MBP: variants seen among roughly 807,000 people sequenced by gnomAD.
MBP encodes the protein myelin basic protein, also known as Golli-MBP.
In MBP, 16 loss-of-function variants were observed where a neutral mutation model predicts 35.8. The observed-to-expected ratio is 0.45, with a 90% CI of 0.30 to 0.68. MBP has a LOEUF of 0.68. Ranked by LOEUF, MBP falls within the 30% of genes least tolerant of loss-of-function variation. MBP has a pLI of 0.08. For synonymous variants in MBP, 143 were observed against 159.6 expected (o/e 0.90, Z 0.78); for missense variants, 380 against 404.7 (o/e 0.94, Z 0.52).
At chr18:77,064,216 G>C (rs1255521746) in intron 3 of MBP, among the ~76,000 whole-genome samples, 1 of 152,100 alleles carries the variant, frequency 6.6e-6, no homozygotes, top group African/African-American at 2.4e-5. Context: ...AACCATCAAG[G>C]CTGGGACATC....
chr18:77,066,912 G>T (rs1310437581), intron 2 of MBP, among the ~76,000 whole-genome samples: 2 of 152,212 alleles, frequency 1.3e-5, no homozygotes, highest in Non-Finnish European at 2.9e-5. Context: ...TTATGGGGTG[G>T]GCCAGGCCCC....
chr18:77,068,385 G>A (rs900173646), intron 2 of MBP, among the ~76,000 whole-genome samples: 1 of 150,928 alleles, frequency 6.6e-6, no homozygotes, highest in Non-Finnish European at 1.5e-5. Context: ...AAGCAGGCCA[G>A]GTTTAGCCCA....
intron 3 of MBP, among the ~76,000 whole-genome samples, chr18:77,059,751 G>A (rs1281431156): frequency 1.3e-5 from 2 of 152,152 alleles, no homozygotes; most frequent in Non-Finnish European, 2.9e-5. Context: ...AAAAATAGGG[G>A]CCAGCACAGA....
chr18:76,991,159 T>C (rs1015253033), intron 4 of MBP, among the ~76,000 whole-genome samples: 1 of 152,118 alleles, frequency 6.6e-6, no homozygotes, highest in African/African-American at 2.4e-5. Flanking sequence ...AAAGTAAGTG[T>C]CTCACGCCAC....
At chr18:77,073,009 C>T (rs1974513644) in intron 2 of MBP, among the ~76,000 whole-genome samples, 1 of 152,176 alleles carries the variant, frequency 6.6e-6, no homozygotes, top group Non-Finnish European at 1.5e-5. Flanking sequence ...GTCTTAGATT[C>T]CTCTCCAATT....
intron 3 of MBP, among the ~76,000 whole-genome samples, chr18:77,038,375 T>C (rs906332092): frequency 5.3e-5 from 8 of 152,246 alleles, no homozygotes; most frequent in Admixed American, 5.2e-4. Context: ...CACTTTCATA[T>C]TTGGTCCTCT....
At chr18:77,015,248 C>A (rs1404605611) in intron 4 of MBP, 2 of 982,488 alleles carry the variant, frequency 2.0e-6, no homozygotes, top group African/African-American at 3.5e-5. Flanking sequence ...TTCATCTTTT[C>A]TGCACAGTTT....
chr18:77,051,833 G>T (rs1973500788), intron 3 of MBP, among the ~76,000 whole-genome samples: 2 of 152,160 alleles, frequency 1.3e-5, no homozygotes, highest in Middle Eastern at 3.2e-3. Flanking sequence ...AAACCTGCAT[G>T]TAACAGTGGG....
intron 4 of MBP, among the ~76,000 whole-genome samples, chr18:76,991,684 C>A (rs1195205031): frequency 6.6e-6 from 1 of 152,216 alleles, no homozygotes; most frequent in African/African-American, 2.4e-5. Context: ...AGAGCCCACA[C>A]CTCAGGCAGG....
At chr18:77,109,295 A>G (rs1976374960) in intron 1 of MBP, 1 of 152,306 alleles carries the variant, frequency 6.6e-6, no homozygotes, top group Non-Finnish European at 1.5e-5. Context: ...CCCAGAAGTT[A>G]CATCCTACAA....
At chr18:77,074,265 A>G (rs558584016) in intron 2 of MBP, among the ~76,000 whole-genome samples, 11 of 151,674 alleles carry the variant, frequency 7.3e-5, no homozygotes, top group Non-Finnish European at 1.3e-4. Context: ...GGGTCAGAAG[A>G]CAATGGGTTC....
chr18:77,059,577 C>A (rs866810458), intron 3 of MBP, among the ~76,000 whole-genome samples: 16 of 151,660 alleles, frequency 1.1e-4, no homozygotes, highest in African/African-American at 1.9e-4. Context: ...TCAAATTTGA[C>A]ATATGTGTAA....
rs1971697032 is a variant in MBP, at chr18:77,017,187, T to G, written c.221A>C (p.Lys74Thr). 1 of 1,540,790 alleles carries G rather than the reference T, an allele frequency of 6.5e-7. No individual in the cohort carries two copies. The highest frequency in any genetic ancestry group is 1.4e-5 in the African/African-American group (1 of 72,460). The change falls in exon 4 of 9, where the codon AAG becomes ACG. Residue 74 changes from lysine (K) to threonine (T), a missense_variant. Transcript: ENST00000355994. Reference protein sequence around the residue: ...VTDSKRTADPKNAWQDAHPAD... With the variant: ...VTDSKRTADPTNAWQDAHPAD... ...TGGGTGGGCATCCTGCCAGGCATTC[T>G]TCGGGTCCGCTGTGCGCTTGGAGTC...
At chr18:77,080,052 T>C (rs1224783053) in intron 2 of MBP, among the ~76,000 whole-genome samples, 1 of 152,188 alleles carries the variant, frequency 6.6e-6, no homozygotes, top group African/African-American at 2.4e-5. Flanking sequence ...TTGAAATCCT[T>C]TAAGAACTGA....
In MBP at chr18:77,066,289, G is replaced by A. The variant is rs77350096; in HGVS notation, c.139+9C>T. Reference sequence around the variant, plus strand: ...GTGGCGCCATGTTGCCGATATCTGCGTCACCTACCGAACACTTCGTTGTCC... The same window carrying A: ...GTGGCGCCATGTTGCCGATATCTGCATCACCTACCGAACACTTCGTTGTCC... On this transcript the variant is annotated intron_variant, in intron 3 of 8. Coordinates refer to ENST00000355994, the MANE Select transcript of MBP (RefSeq NM_001025101.2). 83,336 of 1,607,960 alleles carry A rather than the reference G, an allele frequency of 0.052. 2,588 individuals carry two copies. The highest frequency in any genetic ancestry group is 0.11 in the South Asian group (10,060 of 90,392).
intron 1 of MBP, among the ~76,000 whole-genome samples, chr18:77,130,875 A>AT (rs1704352411): frequency 6.6e-6 from 1 of 151,916 alleles, no homozygotes; most frequent in African/African-American, 2.4e-5. Context: ...CTTCTGGAGG[A>AT]TTTTCAAAGA....
At chr18:77,067,974 G>A (rs1017530988) in intron 2 of MBP, 14 of 396,330 alleles carry the variant, frequency 3.5e-5, no homozygotes, top group Admixed American at 2.7e-4. Context: ...CCTACACTCC[G>A]CCTCCTGGTC....
intron 2 of MBP, among the ~76,000 whole-genome samples, chr18:77,097,773 G>C (rs1307919265): frequency 1.3e-5 from 2 of 152,202 alleles, no homozygotes; most frequent in African/African-American, 4.8e-5. Context: ...TGCAGAGCCA[G>C]GTGTTTTGGA....
At chr18:77,058,784 G>A (rs1222185099) in intron 3 of MBP, among the ~76,000 whole-genome samples, 1 of 152,232 alleles carries the variant, frequency 6.6e-6, no homozygotes, top group Admixed American at 6.5e-5. Flanking sequence ...GGGGCTCCTC[G>A]GCCGGCCGAC....
Sources: gnomAD v4.1 joint callset for allele counts (sites outside exome capture counted in the v4.1 genomes callset) on GRCh38, gnomAD v4.1.1 for gene constraint, MANE v1.5 for transcripts, NCBI Gene and HGNC (gene_info 2026-07-23, HGNC 2026-07-21) for gene names.